SPAG16: variants seen among roughly 807,000 people sequenced by gnomAD.
The protein encoded by SPAG16 is sperm-associated antigen 16 protein.
In SPAG16, 86 loss-of-function variants were observed where a neutral mutation model predicts 80.4. The ratio of observed to expected loss-of-function variants is 1.07; its 90% confidence interval spans 0.90 to 1.28. The LOEUF (loss-of-function observed/expected upper bound fraction) is 1.28. SPAG16 is among the 50% of genes most tolerant of loss of function. SPAG16 has a pLI of 0.00. For missense variants in SPAG16, 870 were observed against 765.3 expected (o/e 1.14, Z -1.61); for synonymous variants, 294 against 265.9 (o/e 1.11, Z -1.03).
chr2:214,045,985 C>A (rs2049299009), intron 13 of SPAG16, among the ~76,000 whole-genome samples: 2 of 151,870 alleles, frequency 1.3e-5, no homozygotes, highest in Middle Eastern at 6.8e-3. Flanking sequence ...AGAGAAGATG[C>A]AAATAAATAA....
chr2:213,824,844 A>G (rs1004702535), intron 10 of SPAG16, among the ~76,000 whole-genome samples: 3 of 152,260 alleles, frequency 2.0e-5, no homozygotes, highest in South Asian at 4.1e-4. Flanking sequence ...CACTTTAACA[A>G]TATTCTTCCA....
intron 15 of SPAG16, among the ~76,000 whole-genome samples, chr2:214,222,110 C>CTTTTTTTTT (rs10694178): frequency 1.3e-4 from 13 of 103,618 alleles, no homozygotes; most frequent in East Asian, 2.9e-4. Flanking sequence ...CCTTGCTATT[C>CTTTTTTTTT]TTTTTTTTTT....
intron 15 of SPAG16, among the ~76,000 whole-genome samples, chr2:214,200,342 A>G (rs1171842200): frequency 6.6e-6 from 1 of 152,152 alleles, no homozygotes; most frequent in African/African-American, 2.4e-5. Flanking sequence ...TATTGAAATG[A>G]TCATATGATT....
At chr2:213,912,634 T>C (rs1294597055) in intron 11 of SPAG16, among the ~76,000 whole-genome samples, 1 of 152,154 alleles carries the variant, frequency 6.6e-6, no homozygotes, top group Non-Finnish European at 1.5e-5. Flanking sequence ...GCTATGTGCA[T>C]TCGGTGTAGA....
At chr2:213,327,359 T>C (rs2063888580) in intron 5 of SPAG16, among the ~76,000 whole-genome samples, 1 of 152,110 alleles carries the variant, frequency 6.6e-6, no homozygotes, top group Non-Finnish European at 1.5e-5. Flanking sequence ...TAAATTGTTC[T>C]ACTGAATAGA....
intron 10 of SPAG16, among the ~76,000 whole-genome samples, chr2:213,643,566 T>G (rs1293080152): frequency 6.7e-6 from 1 of 149,406 alleles, no homozygotes; most frequent in African/African-American, 2.4e-5. Flanking sequence ...GTATAGAAAG[T>G]TCTCCGTTAT....
intron 10 of SPAG16, among the ~76,000 whole-genome samples, chr2:213,505,623 GATA>G (rs1403475057): frequency 6.6e-6 from 1 of 152,066 alleles, no homozygotes; most frequent in Non-Finnish European, 1.5e-5. Context: ...TGTATTTAGA[GATA>G]ATGATGTTTA....
chr2:214,107,303 A>T (rs2053434397), intron 13 of SPAG16, among the ~76,000 whole-genome samples: 1 of 152,182 alleles, frequency 6.6e-6, no homozygotes, highest in Non-Finnish European at 1.5e-5. Context: ...AGCACCTAGA[A>T]TTGTGCCGAC....
intron 15 of SPAG16, among the ~76,000 whole-genome samples, chr2:214,404,552 A>T (rs1701890059): frequency 6.6e-6 from 1 of 152,212 alleles, no homozygotes; most frequent in South Asian, 2.1e-4. Flanking sequence ...AAAATATGAA[A>T]ATGAAAAGAT....
chr2:213,445,512 A>T (rs1436515103), intron 9 of SPAG16, among the ~76,000 whole-genome samples: 1 of 152,102 alleles, frequency 6.6e-6, no homozygotes. Flanking sequence ...ATACAAAAAA[A>T]TTAGCTGGGC....
At chr2:214,138,563 A>G (rs551969942) in intron 14 of SPAG16, among the ~76,000 whole-genome samples, 21 of 152,244 alleles carry the variant, frequency 1.4e-4, no homozygotes, top group Admixed American at 1.4e-3. Context: ...TTACTTCTTC[A>G]GCTCACAAAC....
At chr2:214,295,133 C>CCACTT (rs1259396000) in intron 15 of SPAG16, among the ~76,000 whole-genome samples, 3 of 152,150 alleles carry the variant, frequency 2.0e-5, no homozygotes, top group African/African-American at 7.2e-5. Flanking sequence ...CTCAGGTCTA[C>CCACTT]CACTTCACTC....
chr2:214,049,613 GTAT>G (rs2049527692), intron 13 of SPAG16, among the ~76,000 whole-genome samples: 1 of 152,182 alleles, frequency 6.6e-6, no homozygotes, highest in Non-Finnish European at 1.5e-5. Flanking sequence ...ATACCATATA[GTAT>G]TATTTTTCTA....
intron 15 of SPAG16, among the ~76,000 whole-genome samples, chr2:214,310,180 A>T (rs1398389516): frequency 7.2e-5 from 9 of 125,420 alleles, no homozygotes; most frequent in African/African-American, 6.1e-5. Flanking sequence ...TTTTTTTTTG[A>T]AATTGCTATT....
At chr2:213,702,454 A>T (rs773480417) in intron 10 of SPAG16, among the ~76,000 whole-genome samples, 6 of 152,080 alleles carry the variant, frequency 3.9e-5, no homozygotes, top group Non-Finnish European at 8.8e-5. Context: ...TTCTGAGGCC[A>T]GTGAGACCAC....
At chr2:214,280,726 T>C in intron 15 of SPAG16, 1 of 370,402 alleles carries the variant, frequency 2.7e-6, no homozygotes, top group Non-Finnish European at 5.2e-6. Context: ...CATTTTGGGA[T>C]GGTTCTATCT....
chr2:213,734,202 A>G (rs1476552093), intron 10 of SPAG16, among the ~76,000 whole-genome samples: 1 of 152,194 alleles, frequency 6.6e-6, no homozygotes, highest in Non-Finnish European at 1.5e-5. Context: ...AATTGCAAGG[A>G]CTGTAAAATG....
intron 15 of SPAG16, among the ~76,000 whole-genome samples, chr2:214,273,141 A>T (rs924566291): frequency 2.6e-5 from 4 of 151,802 alleles, no homozygotes; most frequent in East Asian, 1.9e-4. Flanking sequence ...ATGGGGTTGT[A>T]TGTTTTTTTC....
At chr2:213,959,378 A>T (rs2044301752) in intron 12 of SPAG16, among the ~76,000 whole-genome samples, 1 of 152,136 alleles carries the variant, frequency 6.6e-6, no homozygotes, top group Admixed American at 6.5e-5. Context: ...GTTTGAAACC[A>T]GTTGTATCCA....
Sources: allele counts gnomAD v4.1 joint callset (sites outside exome capture counted in the v4.1 genomes callset), GRCh38; gene constraint gnomAD v4.1.1; transcripts MANE v1.5; gene names NCBI Gene and HGNC (gene_info 2026-07-23, HGNC 2026-07-21).